The following NCAM1 variants were observed in gnomAD, a reference collection of about 807,000 sequenced individuals.
NCAM1 encodes the protein antigen recognized by monoclonal antibody 5.1H11.
In NCAM1, 14 loss-of-function variants were observed where a neutral mutation model predicts 109.8. The observed-to-expected ratio is 0.13, with a 90% CI of 0.08 to 0.20. The LOEUF (loss-of-function observed/expected upper bound fraction) is 0.20, where lower values mean the gene tolerates loss of function less well. Among genes scored for constraint, NCAM1 ranks in the 10% least tolerant of loss-of-function variants. NCAM1 has a pLI of 1.00. For synonymous variants in NCAM1, 418 were observed against 442.9 expected, an observed-to-expected ratio of 0.94 and a Z score of 0.70; for missense variants, 774 against 1,109.9, an observed-to-expected ratio of 0.70 and a Z score of 4.30.
chr11:113,177,122 T>C (rs1324455234), intron 1 of NCAM1, among the ~76,000 whole-genome samples: 1 of 152,236 alleles, frequency 6.6e-6, no homozygotes, highest in Non-Finnish European at 1.5e-5. Flanking sequence ...TCCTGGGATG[T>C]GTTTTTTCTG....
chr11:113,121,699 C>T (rs1426960280), intron 1 of NCAM1, among the ~76,000 whole-genome samples: 1 of 152,100 alleles, frequency 6.6e-6, no homozygotes, highest in Non-Finnish European at 1.5e-5. Flanking sequence ...GGTCAGACTT[C>T]ATGAGTTTCA....
At chr11:113,256,061 A>C in intron 16 of NCAM1, 60 bp downstream of exon 16, 1 of 1,550,940 alleles carries the variant, frequency 6.4e-7, no homozygotes, top group South Asian at 1.2e-5. Flanking sequence ...CCAGCTTGCT[A>C]GGGAAACAAC....
chr11:113,277,037 G>C lies in NCAM1; in HGVS notation c.*1650G>C, dbSNP rs1946410638. 3.5e-6 allele frequency: 1 copy of C among 281,818 alleles called. No homozygotes were observed. The highest frequency in any genetic ancestry group is 6.6e-6 in the Non-Finnish European group (1 of 152,422). 17.5% of individuals were successfully genotyped at this position (281,818 alleles called of 1,614,324 possible). A position where few individuals can be genotyped will look rare whatever the true frequency, so the allele number is the denominator to read the frequency against. On this transcript the variant is annotated 3_prime_UTR_variant, in exon 20 of 20. Transcript: ENST00000316851. ...GCAGATAGTTCAGAAAAAATATTCA[G>C]GAAACAAAAATCACTCAAACGGAAT...
chr11:113,164,296 G>A (rs534383911), intron 1 of NCAM1, among the ~76,000 whole-genome samples: 5 of 152,290 alleles, frequency 3.3e-5, no homozygotes, highest in African/African-American at 9.6e-5. Context: ...CTTCTGACAT[G>A]AGATGTTGGG....
chr11:112,962,000 C>A (rs951682885), intron 1 of NCAM1, among the ~76,000 whole-genome samples: 1 of 152,190 alleles, frequency 6.6e-6, no homozygotes, highest in South Asian at 2.1e-4. Flanking sequence ...GCGCTCCTTC[C>A]CCAAAGGCGG....
chr11:113,058,602 T>C (rs898170510), intron 1 of NCAM1, among the ~76,000 whole-genome samples: 27 of 152,222 alleles, frequency 1.8e-4, no homozygotes, highest in African/African-American at 6.3e-4. Flanking sequence ...AATTTGCTAC[T>C]TTCTTCAATT....
Position 113,273,302 on chromosome 11 carries a change from T to A in NCAM1, c.2456+1426T>A. ...GGGCTGTCCTCAGCCCAAGCGCCCC[T>A]GCTGGTGTCGGGGAGGCCTCTAAGG... On this transcript the variant is annotated intron_variant, in intron 19 of 19. Coordinates refer to ENST00000316851, the MANE Select transcript of NCAM1 (RefSeq NM_181351.5). The surrounding 1 kb of genome is among the most constrained non-coding windows in gnomAD (Gnocchi z 6.0). 1 of 344,258 alleles carries A rather than the reference T, an allele frequency of 2.9e-6. No individual in the cohort carries two copies. Among genetic ancestry groups the A allele is most frequent in the South Asian group, 2.2e-5 (1 of 46,010 alleles). The allele number at this position is 344,258 out of a possible 1,614,324, so 21.3% of individuals were successfully genotyped here. A position where few individuals can be genotyped will look rare whatever the true frequency, so the allele number is the denominator to read the frequency against.
intron 1 of NCAM1, among the ~76,000 whole-genome samples, chr11:113,179,224 C>T (rs1045114637): frequency 1.3e-5 from 2 of 152,218 alleles, no homozygotes; most frequent in Non-Finnish European, 2.9e-5. Context: ...TTTAATTATA[C>T]ATTTTAACAA....
At chr11:113,162,128 G>T (rs368313307) in intron 1 of NCAM1, among the ~76,000 whole-genome samples, 3 of 152,114 alleles carry the variant, frequency 2.0e-5, no homozygotes, top group Non-Finnish European at 4.4e-5. Context: ...TAGTTCCTTG[G>T]GGGGAGGAGC....
chr11:113,066,675 T>C (rs528408584), intron 1 of NCAM1, among the ~76,000 whole-genome samples: 2 of 152,284 alleles, frequency 1.3e-5, no homozygotes, highest in African/African-American at 4.8e-5. Flanking sequence ...GTGAGAAATG[T>C]GAAGCCCTTT....
intron 1 of NCAM1, among the ~76,000 whole-genome samples, chr11:113,022,958 T>C (rs1952434211): frequency 6.6e-6 from 1 of 152,186 alleles, no homozygotes; most frequent in South Asian, 2.1e-4. Context: ...TACATATCTC[T>C]TTAGCAGAAA....
intron 1 of NCAM1, among the ~76,000 whole-genome samples, chr11:113,050,148 A>G (rs1953420931): frequency 1.3e-5 from 2 of 149,114 alleles, no homozygotes; most frequent in African/African-American, 4.9e-5. Flanking sequence ...GGTGGGGGGG[A>G]ATGAGTGACA....
At chr11:113,224,982 A>T (rs1303644249) in intron 9 of NCAM1, among the ~76,000 whole-genome samples, 3 of 152,230 alleles carry the variant, frequency 2.0e-5, no homozygotes, top group Non-Finnish European at 4.4e-5. Flanking sequence ...AAAGATGGGG[A>T]AAAAACAGAA....
At chr11:113,205,741 G>T in intron 4 of NCAM1, 75 bp downstream of exon 4, 1 of 1,531,018 alleles carries the variant, frequency 6.5e-7, no homozygotes, top group Non-Finnish European at 8.8e-7. Context: ...CTGTACTGAG[G>T]CATTCCAGTC....
chr11:113,004,417 G>A (rs564687233), intron 1 of NCAM1, among the ~76,000 whole-genome samples: 4 of 152,196 alleles, frequency 2.6e-5, no homozygotes, highest in East Asian at 3.9e-4. Context: ...GCTTGAACCC[G>A]GGAGGCGGAG....
chr11:113,212,946 G>A (rs1207779706), intron 7 of NCAM1, among the ~76,000 whole-genome samples: 1 of 152,204 alleles, frequency 6.6e-6, no homozygotes, highest in Admixed American at 6.5e-5. Context: ...ATTGAGATGT[G>A]CCTATGTGCT....
chr11:113,058,597 G>A (rs1555082973), intron 1 of NCAM1, among the ~76,000 whole-genome samples: 3 of 152,142 alleles, frequency 2.0e-5, no homozygotes, highest in African/African-American at 7.2e-5. Flanking sequence ...TTTGAAATTT[G>A]CTACTTTCTT....
chr11:113,097,319 C>T (rs188498346), intron 1 of NCAM1, among the ~76,000 whole-genome samples: 30 of 152,330 alleles, frequency 2.0e-4, no homozygotes, highest in African/African-American at 7.0e-4. Context: ...ATGCCAGACA[C>T]CTGCACAAAT....
chr11:113,052,142 TA>T (rs1555081910), intron 1 of NCAM1, among the ~76,000 whole-genome samples: 48 of 152,282 alleles, frequency 3.2e-4, no homozygotes, highest in African/African-American at 1.1e-3. Flanking sequence ...GTAAGTTGTT[TA>T]CCTGACAGTA....
Sources: gnomAD v4.1 joint callset for allele counts (sites outside exome capture counted in the v4.1 genomes callset) on GRCh38, gnomAD v4.1.1 for gene constraint, Gnocchi (gnomAD v3.1) non-coding constraint, MANE v1.5 for transcripts, NCBI Gene and HGNC (gene_info 2026-07-23, HGNC 2026-07-21) for gene names.